DNAH9: variants seen among roughly 807,000 people sequenced by gnomAD.
DNAH9 encodes dynein axonemal heavy chain 9, also known as DNAH9 variant protein.
Under a neutral mutation model 471.6 loss-of-function variants are expected in DNAH9, and 345 were observed. The ratio of observed to expected loss-of-function variants is 0.73; its 90% CI spans 0.67 to 0.80. The LOEUF (loss-of-function observed/expected upper bound fraction) is 0.80. Ranked by LOEUF, DNAH9 falls within the 30% of genes least tolerant of loss-of-function variation. The pLI is 0.00. For missense variants in DNAH9, 5,407 were observed against 5,609.2 expected (o/e 0.96, Z 1.15); for synonymous variants, 2,093 against 2,123.6 (o/e 0.99, Z 0.40).
chr17:11,645,545 G>A (rs1315278751), intron 11 of DNAH9, among the ~76,000 whole-genome samples: 2 of 152,098 alleles, frequency 1.3e-5, no homozygotes, highest in African/African-American at 4.8e-5. Context: ...GAGGCCTTGC[G>A]GTGGTTCTCA....
chr17:11,804,126 C>T (rs548557652), intron 43 of DNAH9, among the ~76,000 whole-genome samples: 14 of 152,206 alleles, frequency 9.2e-5, no homozygotes, highest in Non-Finnish European at 1.6e-4. Context: ...CTTCAGACAT[C>T]TAGAAATTAC....
Position 11,892,022 on chromosome 17 carries a change from C to T in DNAH9, c.11283+75C>T. 2 of 1,508,816 alleles carry T rather than the reference C, an allele frequency of 1.3e-6. No individual in the cohort carries two copies. The highest frequency in any genetic ancestry group is 2.4e-5 in the South Asian group (2 of 84,454). The allele number at this position is 1,508,816 out of a possible 1,614,324, so 93.5% of individuals were successfully genotyped here. ...CAGACAGCAGGTGTTAAGAAACTTTCTTCTTTGAACATCACTTTCCACAGC... is the reference window on the plus strand; with the variant it reads ...CAGACAGCAGGTGTTAAGAAACTTTTTTCTTTGAACATCACTTTCCACAGC... On this transcript the variant is annotated intron_variant, in intron 58 of 68. Transcript: ENST00000262442. The surrounding 1 kb of genome is among the most constrained non-coding windows in gnomAD (Gnocchi z 4.3).
At chr17:11,895,787 T>C (rs1366322755) in intron 59 of DNAH9, among the ~76,000 whole-genome samples, 3 of 152,326 alleles carry the variant, frequency 2.0e-5, no homozygotes, top group African/African-American at 7.2e-5. Flanking sequence ...AATTATACAG[T>C]ATATAACCAT....
At chr17:11,748,523 G>A (rs775787516) in intron 32 of DNAH9, among the ~76,000 whole-genome samples, 28 of 152,226 alleles carry the variant, frequency 1.8e-4, no homozygotes, top group Non-Finnish European at 1.5e-4. Context: ...CCTATTTGAT[G>A]TTGCCCCAGC....
At chr17:11,916,718 T>G (rs1299441561) in intron 61 of DNAH9, among the ~76,000 whole-genome samples, 1 of 152,250 alleles carries the variant, frequency 6.6e-6, no homozygotes, top group Non-Finnish European at 1.5e-5. Flanking sequence ...TTTGGGTATT[T>G]GATTTAAATT....
At chr17:11,915,416 C>T (rs2151022577) in intron 61 of DNAH9, among the ~76,000 whole-genome samples, 1 of 152,102 alleles carries the variant, frequency 6.6e-6, no homozygotes, top group Non-Finnish European at 1.5e-5. Flanking sequence ...CCCAGCTACT[C>T]GGGAGGCTGA....
intron 1 of DNAH9, among the ~76,000 whole-genome samples, chr17:11,603,646 A>T (rs2072433633): frequency 6.6e-6 from 1 of 151,940 alleles, no homozygotes. Context: ...CATCAAGCAA[A>T]ATCCTCCTTT....
chr17:11,846,543 A>T (rs1971232128), intron 49 of DNAH9, among the ~76,000 whole-genome samples: 1 of 148,974 alleles, frequency 6.7e-6, no homozygotes, highest in Non-Finnish European at 1.5e-5. Flanking sequence ...CTGTGAAGAA[A>T]GTCATTGGTA....
At chr17:11,700,489 G>A (rs1008817798) in intron 23 of DNAH9, among the ~76,000 whole-genome samples, 2 of 152,030 alleles carry the variant, frequency 1.3e-5, no homozygotes, top group Non-Finnish European at 1.5e-5. Context: ...TAGCACCACC[G>A]ATAAATATAA....
At position 11,704,459 on chromosome 17, in the gene DNAH9, C is replaced by T; in HGVS notation, c.5391+17C>T. 1.9e-6 allele frequency: 3 copies of T among 1,610,196 alleles called. No individual in the cohort carries two copies. Among genetic ancestry groups the T allele is most frequent in the African/African-American group, 1.3e-5 (1 of 74,972 alleles). On this transcript the variant is annotated intron_variant, in intron 25 of 68. Coordinates refer to ENST00000262442, the MANE Select transcript of DNAH9 (RefSeq NM_001372.4). ...GCTCAGAAGGTGGGTCCCAAACATC[C>T]AGGGATGCCCACTTTTGTGTACAGC...
chr17:11,964,250 T>C (rs1180631146), intron 68 of DNAH9, among the ~76,000 whole-genome samples: 1 of 152,064 alleles, frequency 6.6e-6, no homozygotes, highest in Non-Finnish European at 1.5e-5. Context: ...CATATATGGA[T>C]TGCATTAGGT....
At chr17:11,832,486 C>T (rs7216925) in intron 48 of DNAH9, among the ~76,000 whole-genome samples, 49,645 of 152,070 alleles carry the variant, frequency 0.33, 8,298 homozygotes, top group East Asian at 0.44. Context: ...AATAACTCTC[C>T]GCAGCTGAAC....
chr17:11,730,046 T>A (rs2075232186), intron 28 of DNAH9, among the ~76,000 whole-genome samples: 1 of 152,240 alleles, frequency 6.6e-6, no homozygotes, highest in African/African-American at 2.4e-5. Context: ...TTGTCCAAAC[T>A]GTTCCTTGAT....
intron 22 of DNAH9, among the ~76,000 whole-genome samples, chr17:11,698,187 TTAATA>T (rs372014129): frequency 9.8e-4 from 16 of 16,404 alleles, no homozygotes; most frequent in Admixed American, 2.0e-3. Context: ...TATTATTATA[TTAATA>T]TAATAATATA....
At chr17:11,803,580 G>A (rs1969550924) in intron 43 of DNAH9, among the ~76,000 whole-genome samples, 1 of 152,300 alleles carries the variant, frequency 6.6e-6, no homozygotes, top group Non-Finnish European at 1.5e-5. Flanking sequence ...TTTAAATTTT[G>A]TAATTTAAAT....
chr17:11,643,666 C>A (rs906618907), intron 10 of DNAH9, among the ~76,000 whole-genome samples: 13 of 152,124 alleles, frequency 8.5e-5, no homozygotes, highest in Admixed American at 8.5e-4. Context: ...AGCCTAGGAG[C>A]AATACGCTCT....
chr17:11,805,499 A>G (rs181829470), intron 43 of DNAH9, among the ~76,000 whole-genome samples: 1 of 96,576 alleles, frequency 1.0e-5, no homozygotes, highest in East Asian at 3.9e-4. Flanking sequence ...CCTCTACTCT[A>G]TTTGGCCAAA....
chr17:11,703,511 T>C (rs2074640381), intron 24 of DNAH9, among the ~76,000 whole-genome samples: 1 of 152,180 alleles, frequency 6.6e-6, no homozygotes, highest in African/African-American at 2.4e-5. Context: ...AGATGAGCAA[T>C]GGATCTAAAT....
intron 65 of DNAH9, among the ~76,000 whole-genome samples, chr17:11,936,829 G>A (rs542256221): frequency 4.3e-4 from 66 of 152,158 alleles, no homozygotes; most frequent in African/African-American, 1.4e-3. Flanking sequence ...TCTCCAGTTC[G>A]CAGCCAATCT....
Sources: gnomAD v4.1 joint callset for allele counts (sites outside exome capture counted in the v4.1 genomes callset) on GRCh38, gnomAD v4.1.1 for gene constraint, Gnocchi (gnomAD v3.1) non-coding constraint, MANE v1.5 for transcripts, NCBI Gene and HGNC (gene_info 2026-07-23, HGNC 2026-07-21) for gene names.